The following CNTNAP5 variants were observed in gnomAD, a reference collection of about 807,000 sequenced individuals.
CNTNAP5 encodes contactin-associated protein-like 5.
A neutral mutation model predicts 150.2 loss-of-function variants in CNTNAP5; 72 were observed. The ratio of observed to expected loss-of-function variants is 0.48; its 90% confidence interval spans 0.40 to 0.58. The LOEUF is 0.58. Ranked by LOEUF, CNTNAP5 falls within the 20% of genes least tolerant of loss-of-function variation. CNTNAP5 has a pLI of 0.00. For missense variants in CNTNAP5, 1,636 were observed against 1,626.2 expected (o/e 1.01, Z -0.10); for synonymous variants, 672 against 619.8 (o/e 1.08, Z -1.25).
At chr2:124,372,569 T>C (rs1487195268) in intron 3 of CNTNAP5, among the ~76,000 whole-genome samples, 1 of 152,128 alleles carries the variant, frequency 6.6e-6, no homozygotes, top group Non-Finnish European at 1.5e-5. Flanking sequence ...TGTAGCCAAC[T>C]TCTGACAACG....
chr2:124,619,470 C>T (rs1677563655), intron 12 of CNTNAP5, among the ~76,000 whole-genome samples: 1 of 152,068 alleles, frequency 6.6e-6, no homozygotes, highest in African/African-American at 2.4e-5. Context: ...GGGCGATCTG[C>T]CCTTGGGGTG....
At chr2:124,724,193 A>T (rs1342039717) in intron 13 of CNTNAP5, among the ~76,000 whole-genome samples, 4 of 150,948 alleles carry the variant, frequency 2.6e-5, no homozygotes, top group Non-Finnish European at 5.9e-5. Flanking sequence ...TACAGATCTT[A>T]TCTCTAATTC....
At chr2:124,619,884 T>TAC (rs1677574111) in intron 12 of CNTNAP5, among the ~76,000 whole-genome samples, 1 of 99,366 alleles carries the variant, frequency 1.0e-5, no homozygotes, top group African/African-American at 3.9e-5. Flanking sequence ...TATATATATA[T>TAC]ACTCCTTCTC....
chr2:124,265,474 A>T (rs1028998461), intron 3 of CNTNAP5, among the ~76,000 whole-genome samples: 2 of 151,930 alleles, frequency 1.3e-5, no homozygotes, highest in African/African-American at 4.8e-5. Context: ...CTAATCCATC[A>T]CTATCCTTCA....
chr2:124,212,894 A>G (rs2104727393), intron 1 of CNTNAP5, among the ~76,000 whole-genome samples: 1 of 130,502 alleles, frequency 7.7e-6, no homozygotes, highest in South Asian at 2.3e-4. Context: ...GCTAGCGTGC[A>G]ATGGCGCTAT....
intron 6 of CNTNAP5, among the ~76,000 whole-genome samples, chr2:124,458,745 T>A (rs1293065825): frequency 1.3e-5 from 2 of 152,004 alleles, no homozygotes; most frequent in Non-Finnish European, 2.9e-5. Flanking sequence ...TACAATTTTT[T>A]AAAAAAACAG....
At chr2:124,865,520 G>A in intron 20 of CNTNAP5, 84 bp downstream of exon 20, 1 of 1,239,510 alleles carries the variant, frequency 8.1e-7, no homozygotes, top group East Asian at 2.6e-5. Flanking sequence ...CCATGCCAGT[G>A]TAGTGCCTAG....
chr2:124,138,947 AAC>A (rs1684040052), intron 1 of CNTNAP5, among the ~76,000 whole-genome samples: 1 of 151,988 alleles, frequency 6.6e-6, no homozygotes, highest in African/African-American at 2.4e-5. Context: ...TCCTCTCTAG[AAC>A]ACTCTTGGCC....
intron 8 of CNTNAP5, among the ~76,000 whole-genome samples, chr2:124,522,042 C>T (rs1364607919): frequency 6.6e-6 from 1 of 152,156 alleles, no homozygotes; most frequent in Non-Finnish European, 1.5e-5. Context: ...GCTGAAAACA[C>T]ATCAGGTGTC....
chr2:124,715,965 G>T (rs1036478015), intron 13 of CNTNAP5, among the ~76,000 whole-genome samples: 1 of 152,020 alleles, frequency 6.6e-6, no homozygotes, highest in Non-Finnish European at 1.5e-5. Flanking sequence ...ACCAAAAAGC[G>T]AGTGTACAAC....
At chr2:124,622,361 A>G (rs12468855) in intron 12 of CNTNAP5, among the ~76,000 whole-genome samples, 1 of 151,600 alleles carries the variant, frequency 6.6e-6, no homozygotes, top group East Asian at 1.9e-4. Flanking sequence ...TTCTTTATCC[A>G]GTCTATCATT....
chr2:124,086,253 G>C (rs1232167512), intron 1 of CNTNAP5, among the ~76,000 whole-genome samples: 1 of 133,234 alleles, frequency 7.5e-6, no homozygotes, highest in Non-Finnish European at 1.5e-5. Context: ...CTGGAGTGCA[G>C]TGGCGCCATC....
chr2:124,429,638 G>C (rs1039424777), intron 4 of CNTNAP5, among the ~76,000 whole-genome samples: 1 of 152,172 alleles, frequency 6.6e-6, no homozygotes, highest in African/African-American at 2.4e-5. Flanking sequence ...CTCTTATCAG[G>C]TACTGGTGGT....
At chr2:124,546,855 C>G (rs1202117086) in intron 10 of CNTNAP5, among the ~76,000 whole-genome samples, 1 of 152,116 alleles carries the variant, frequency 6.6e-6, no homozygotes, top group East Asian at 1.9e-4. Flanking sequence ...GCCTCCCTTT[C>G]CTAGAGATAG....
At chr2:124,195,673 T>C (rs1481196637) in intron 1 of CNTNAP5, among the ~76,000 whole-genome samples, 1 of 152,022 alleles carries the variant, frequency 6.6e-6, no homozygotes, top group African/African-American at 2.4e-5. Flanking sequence ...AAAATACACA[T>C]AATCATATAA....
intron 3 of CNTNAP5, among the ~76,000 whole-genome samples, chr2:124,375,159 C>T (rs187629702): frequency 1.3e-5 from 2 of 152,012 alleles, no homozygotes; most frequent in African/African-American, 4.8e-5. Context: ...ATCATCTATG[C>T]ATGGTAAAAT....
chr2:124,876,853 A>G (rs1213611110), intron 21 of CNTNAP5, among the ~76,000 whole-genome samples: 3 of 152,080 alleles, frequency 2.0e-5, no homozygotes, highest in South Asian at 2.1e-4. Context: ...GTAATAAAGT[A>G]TTTTAGATTC....
intron 1 of CNTNAP5, among the ~76,000 whole-genome samples, chr2:124,086,765 T>G (rs969882000): frequency 6.6e-6 from 1 of 151,700 alleles, no homozygotes; most frequent in African/African-American, 2.4e-5. Context: ...TCCTATCTGA[T>G]AATCCCTGTC....
intron 11 of CNTNAP5, among the ~76,000 whole-genome samples, chr2:124,577,370 T>G (rs890146890): frequency 1.3e-5 from 2 of 152,240 alleles, no homozygotes; most frequent in Non-Finnish European, 2.9e-5. Flanking sequence ...AGTAGCTGAT[T>G]CCACAGTTTA....
Sources: gnomAD v4.1 joint callset for allele counts (sites outside exome capture counted in the v4.1 genomes callset) on GRCh38, gnomAD v4.1.1 for gene constraint, MANE v1.5 for transcripts, NCBI Gene and HGNC (gene_info 2026-07-23, HGNC 2026-07-21) for gene names.